Variants in DNAJC27 observed in about 807,000 individuals in gnomAD.
DNAJC27 encodes DnaJ heat shock protein family (Hsp40) member C27, also known as dnaJ homolog subfamily C member 27.
In DNAJC27, 25 loss-of-function variants were observed where a neutral mutation model predicts 31.4. The ratio of observed to expected loss-of-function variants is 0.80; its 90% CI spans 0.58 to 1.11. The LOEUF is 1.11. DNAJC27 is among the 50% of genes most tolerant of loss of function. The pLI is 0.00. For synonymous variants in DNAJC27, 106 were observed against 112.7 expected, an observed-to-expected ratio of 0.94 and a Z score of 0.37; for missense variants, 356 against 347.3, an observed-to-expected ratio of 1.02 and a Z score of -0.20.
At chr2:24,967,871 A>G (rs1666229132) in intron 1 of DNAJC27, among the ~76,000 whole-genome samples, 1 of 151,958 alleles carries the variant, frequency 6.6e-6, no homozygotes, top group Non-Finnish European at 1.5e-5. Flanking sequence ...TATGCTTTCA[A>G]CGATACCACC....
chr2:24,971,245 G>C (rs1181494787), intron 1 of DNAJC27: 1 of 152,726 alleles, frequency 6.5e-6, no homozygotes, highest in African/African-American at 2.4e-5. Context: ...TAACAGATAT[G>C]GGGACACCAC....
intron 5 of DNAJC27, among the ~76,000 whole-genome samples, chr2:24,954,691 A>G (rs929758504): frequency 2.0e-5 from 3 of 152,246 alleles, no homozygotes; most frequent in African/African-American, 7.2e-5. Context: ...TAATCCCAGC[A>G]CTGTGGGAGG....
intron 3 of DNAJC27, 123 bp downstream of exon 3, chr2:24,963,282 G>A: frequency 4.6e-6 from 3 of 647,494 alleles, no homozygotes; most frequent in Admixed American, 2.9e-5. Context: ...GGCAAGCCAC[G>A]ATCAAGCTAA....
intron 1 of DNAJC27, among the ~76,000 whole-genome samples, chr2:24,968,588 C>T (rs1469455517): frequency 3.3e-5 from 5 of 151,860 alleles, no homozygotes; most frequent in African/African-American, 9.7e-5. Flanking sequence ...GTGAACCGCC[C>T]GCCTCGGTCT....
chr2:24,956,337 T>C (rs529660543), intron 5 of DNAJC27, among the ~76,000 whole-genome samples: 1 of 152,344 alleles, frequency 6.6e-6, no homozygotes, highest in East Asian at 1.9e-4. Context: ...ACTTTATAAG[T>C]TATTGTTTTA....
chr2:24,964,215 T>TC (rs1338115664), intron 2 of DNAJC27, among the ~76,000 whole-genome samples: 9 of 151,786 alleles, frequency 5.9e-5, no homozygotes, highest in Admixed American at 4.6e-4. Flanking sequence ...GGTCAGGAGA[T>TC]CGAGACCATC....
intron 3 of DNAJC27, among the ~76,000 whole-genome samples, chr2:24,959,885 C>T (rs1180619133): frequency 1.3e-5 from 2 of 152,186 alleles, no homozygotes; most frequent in East Asian, 1.9e-4. Flanking sequence ...AGTAGCATAT[C>T]CAGCTGTCTT....
intron 1 of DNAJC27, 48 bp downstream of exon 1, chr2:24,971,770 G>A: frequency 1.3e-6 from 2 of 1,525,904 alleles, no homozygotes; most frequent in Non-Finnish European, 1.8e-6. Flanking sequence ...CAATGGACAC[G>A]TCGCCCCGCC....
At chr2:24,953,082 T>A (rs1207795944) in intron 5 of DNAJC27, among the ~76,000 whole-genome samples, 1 of 152,084 alleles carries the variant, frequency 6.6e-6, no homozygotes, top group Non-Finnish European at 1.5e-5. Context: ...AGGTGAAAGC[T>A]TTTTTGACCC....
At chr2:24,968,264 C>T (rs1382250739) in intron 1 of DNAJC27, among the ~76,000 whole-genome samples, 1 of 152,086 alleles carries the variant, frequency 6.6e-6, no homozygotes, top group East Asian at 1.9e-4. Context: ...AATATTCCCT[C>T]CATTTCATTG....
rs368791973 is a variant in DNAJC27, at chr2:24,951,578, G to C, written c.529-24C>G. On this transcript the variant is annotated intron_variant, in intron 5 of 6. Transcript: ENST00000264711. ...GTCTACAAGAAGAAAACATAACCCA[G>C]GGTAGAAATGATTTTGTGAAAATAG... The C allele has an allele frequency of 2.5e-6, 4 of 1,575,396 alleles. No individual in the cohort carries two copies. The African/African-American group carries it at 4.1e-5, about 16-fold the overall frequency.
At chr2:24,970,519 C>A (rs1666303619) in intron 1 of DNAJC27, among the ~76,000 whole-genome samples, 1 of 143,092 alleles carries the variant, frequency 7.0e-6, no homozygotes, top group Non-Finnish European at 1.5e-5. Context: ...GGCTGGAGTG[C>A]AATGGCGTGA....
chr2:24,959,944 C>T (rs1007660140), intron 3 of DNAJC27, among the ~76,000 whole-genome samples: 1 of 152,224 alleles, frequency 6.6e-6, no homozygotes, highest in Non-Finnish European at 1.5e-5. Flanking sequence ...CTTCATGTAT[C>T]CTCCCTTGTG....
chr2:24,971,325 C>T (rs1480971657), intron 1 of DNAJC27: 3 of 153,160 alleles, frequency 2.0e-5, no homozygotes, highest in African/African-American at 7.2e-5. Flanking sequence ...CCCTGTGAAA[C>T]ACGTCAACGT....
rs749954078 is a variant in DNAJC27 at position 24,967,245 on chromosome 2, G to A, written c.136C>T (p.Leu46=). 16 of 1,613,688 alleles carry A rather than the reference G, an allele frequency of 9.9e-6. No individual in the cohort carries two copies. The highest frequency in any genetic ancestry group is 1.3e-5 in the Non-Finnish European group (15 of 1,179,816). ...CCATAGTCAATTCCAATTGTTGCCAGGTATTTAGACACGAATCTTTTCTCA... is the reference window on the plus strand; with the variant it reads ...CCATAGTCAATTCCAATTGTTGCCAAGTATTTAGACACGAATCTTTTCTCA... ...YCEKRFVSKY[L]ATIGIDYGVT... The change falls in exon 2 of 7, where the codon CTG becomes TTG. Residue 46 remains leucine (L), a synonymous_variant. Transcript: ENST00000264711.
Position 24,957,197 on chromosome 2 carries a change from G to T in DNAJC27, c.406-32C>A. ...TAGAAGGGGCGGGGGACAGAGAGAA[G>T]ATTACAATCTTGTCCTACTAGAATG... is the stretch of plus-strand genomic sequence containing the variant. On this transcript the variant is annotated intron_variant, in intron 4 of 6. Transcript: ENST00000264711. 1.9e-6 allele frequency: 3 copies of T among 1,562,502 alleles called. No individual in the cohort carries two copies. The South Asian group carries it at 3.6e-5, about 19-fold the overall frequency.
chr2:24,950,515 C>G (rs956892960), intron 6 of DNAJC27, among the ~76,000 whole-genome samples: 3 of 152,094 alleles, frequency 2.0e-5, no homozygotes, highest in Non-Finnish European at 4.4e-5. Context: ...GAATTTTTTT[C>G]TTAAATAACT....
chr2:24,948,054 T>C (rs1254723402), intron 6 of DNAJC27, among the ~76,000 whole-genome samples: 1 of 152,144 alleles, frequency 6.6e-6, no homozygotes, highest in African/African-American at 2.4e-5. Context: ...ACTCAGCATA[T>C]CTTTGCTGAT....
At chr2:24,963,091 C>T in intron 3 of DNAJC27, 1 of 269,036 alleles carries the variant, frequency 3.7e-6, no homozygotes, top group East Asian at 7.5e-5. Context: ...TAAGCCCAAG[C>T]ATAAATGTAA....
Sources: allele counts gnomAD v4.1 joint callset (sites outside exome capture counted in the v4.1 genomes callset), GRCh38; gene constraint gnomAD v4.1.1; transcripts MANE v1.5; gene names NCBI Gene and HGNC (gene_info 2026-07-23, HGNC 2026-07-21).